Variants in SHISA9 observed in about 807,000 individuals in gnomAD.
SHISA9 encodes the protein protein shisa-9.
In SHISA9, 13 loss-of-function variants were observed where a neutral mutation model predicts 38.0. The observed-to-expected ratio is 0.34, with a 90% confidence interval of 0.22 to 0.54. The LOEUF is 0.54. Ranked by LOEUF, SHISA9 falls within the 20% of genes least tolerant of loss-of-function variation. The pLI, the probability that SHISA9 is intolerant of heterozygous loss-of-function variation, is 0.91. For missense variants in SHISA9, 538 were observed against 575.8 expected (o/e 0.93, Z 0.67); for synonymous variants, 275 against 242.0 (o/e 1.14, Z -1.27).
chr16:13,437,211 A>G, the SHISA9 span, among the ~76,000 whole-genome samples: 1 of 152,164 alleles, frequency 6.6e-6, no homozygotes, highest in Non-Finnish European at 1.5e-5. Context: ...TACTCAAAAA[A>G]AAATGTCATG....
At chr16:13,424,602 C>T in the SHISA9 span, among the ~76,000 whole-genome samples, 1 of 152,226 alleles carries the variant, frequency 6.6e-6, no homozygotes, top group Non-Finnish European at 1.5e-5. Context: ...CGTCAGAAGT[C>T]CCTTACTGGT....
At chr16:13,203,136 C>T (rs2051022183) in intron 2 of SHISA9, 1 of 336,934 alleles carries the variant, frequency 3.0e-6, no homozygotes, top group African/African-American at 2.1e-5. Context: ...ACTGAAAGGA[C>T]CTTAACATGT....
chr16:13,430,271 A>G, the SHISA9 span, among the ~76,000 whole-genome samples: 1 of 152,208 alleles, frequency 6.6e-6, no homozygotes, highest in Non-Finnish European at 1.5e-5. Context: ...ATCTAATGAC[A>G]GTCATTTGAG....
At chr16:13,054,162 G>T (rs1322058251) in intron 2 of SHISA9, among the ~76,000 whole-genome samples, 1 of 152,208 alleles carries the variant, frequency 6.6e-6, no homozygotes, top group Admixed American at 6.5e-5. Context: ...TGTGTTTCCT[G>T]CACCTAGAAC....
At chr16:13,117,362 G>A (rs1017554973) in intron 2 of SHISA9, among the ~76,000 whole-genome samples, 8 of 152,310 alleles carry the variant, frequency 5.3e-5, no homozygotes, top group South Asian at 4.1e-4. Flanking sequence ...CAGCAGACGT[G>A]TGTTTGGATA....
At chr16:13,425,504 AAAAC>A in the SHISA9 span, among the ~76,000 whole-genome samples, 1 of 152,152 alleles carries the variant, frequency 6.6e-6, no homozygotes, top group Non-Finnish European at 1.5e-5. Flanking sequence ...AACAAAAACT[AAAAC>A]AAACATAAAT....
the SHISA9 span, among the ~76,000 whole-genome samples, chr16:13,394,437 G>T: frequency 6.6e-6 from 1 of 152,130 alleles, no homozygotes; most frequent in Non-Finnish European, 1.5e-5. Flanking sequence ...CTTTCTATTT[G>T]CTCAGTCTTA....
intron 2 of SHISA9, among the ~76,000 whole-genome samples, chr16:13,169,777 G>C (rs1253047044): frequency 3.9e-5 from 6 of 152,202 alleles, no homozygotes; most frequent in African/African-American, 1.4e-4. Flanking sequence ...GCTATGGGTG[G>C]AAATGTATGC....
intron 2 of SHISA9, among the ~76,000 whole-genome samples, chr16:12,947,304 T>C (rs1009292956): frequency 1.1e-4 from 17 of 152,348 alleles, no homozygotes; most frequent in Non-Finnish European, 8.8e-5. Context: ...TGTGGCTATC[T>C]GGGACAGTAG....
chr16:12,943,318 TGTGTGTGTGTGTGAGAGAGAGAGAGA>T (rs2071641914), intron 2 of SHISA9, among the ~76,000 whole-genome samples: 21 of 26,386 alleles, frequency 8.0e-4, no homozygotes, highest in African/African-American at 2.2e-3. Context: ...TGTGTGTGTG[TGTGTGTGTGTGTGAGAGAGAGAGAGA>T]GAGAGAGAGA....
At chr16:13,276,969 A>G in the SHISA9 span, among the ~76,000 whole-genome samples, 10 of 151,972 alleles carry the variant, frequency 6.6e-5, no homozygotes, top group African/African-American at 1.9e-4. Context: ...TTTTGGGTTC[A>G]TGATCATAAA....
the SHISA9 span, among the ~76,000 whole-genome samples, chr16:13,323,871 TG>T: frequency 3.9e-5 from 6 of 152,122 alleles, no homozygotes; most frequent in Non-Finnish European, 7.4e-5. Context: ...GAGATTTGGG[TG>T]GGGACACAGA....
chr16:13,534,659 C>G, the SHISA9 span, among the ~76,000 whole-genome samples: 2 of 152,352 alleles, frequency 1.3e-5, no homozygotes, highest in African/African-American at 4.8e-5. Flanking sequence ...TGTGAAAACA[C>G]TGTGTCCCTG....
chr16:13,265,424 C>T, the SHISA9 span, among the ~76,000 whole-genome samples: 1 of 128,904 alleles, frequency 7.8e-6, no homozygotes, highest in Non-Finnish European at 1.7e-5. Context: ...CCCCCCTCCC[C>T]TCCTCTTCCC....
At chr16:13,478,070 C>T in the SHISA9 span, among the ~76,000 whole-genome samples, 2 of 152,158 alleles carry the variant, frequency 1.3e-5, no homozygotes, top group African/African-American at 2.4e-5. Context: ...TTTGTTTGAG[C>T]GACATCGCAT....
chr16:13,176,922 G>T (rs923557976), intron 2 of SHISA9, among the ~76,000 whole-genome samples: 18 of 152,114 alleles, frequency 1.2e-4, no homozygotes, highest in Admixed American at 9.8e-4. Context: ...TTATTCATCT[G>T]AGTGGTTACT....
At chr16:13,101,528 T>C (rs2073878841) in intron 2 of SHISA9, among the ~76,000 whole-genome samples, 1 of 152,260 alleles carries the variant, frequency 6.6e-6, no homozygotes, top group Non-Finnish European at 1.5e-5. Context: ...CAGGCCAATC[T>C]GGCCAACAAT....
At chr16:13,552,009 A>C in the SHISA9 span, among the ~76,000 whole-genome samples, 1 of 152,190 alleles carries the variant, frequency 6.6e-6, no homozygotes, top group Non-Finnish European at 1.5e-5. Context: ...CCTGGGTAAC[A>C]GAACGAGACT....
chr16:12,946,150 T>C (rs1201174823), intron 2 of SHISA9, among the ~76,000 whole-genome samples: 2 of 152,194 alleles, frequency 1.3e-5, no homozygotes, highest in Non-Finnish European at 2.9e-5. Flanking sequence ...CAGATGGTTG[T>C]AGATGTGTGG....
Sources: allele counts gnomAD v4.1 joint callset (sites outside exome capture counted in the v4.1 genomes callset), GRCh38; gene constraint gnomAD v4.1.1; transcripts MANE v1.5; gene names NCBI Gene and HGNC (gene_info 2026-07-23, HGNC 2026-07-21).